ZNF469: variants seen among roughly 807,000 people sequenced by gnomAD.
ZNF469 encodes the protein zinc finger protein 469.
A neutral mutation model predicts 1.0 loss-of-function variants in ZNF469; 1 was observed. The ratio of observed to expected loss-of-function variants is 1.00; its 90% confidence interval spans 0.35 to 4.73. The LOEUF is 4.73. ZNF469 is among the 30% of genes most tolerant of loss of function. ZNF469 has a pLI of 0.16. For synonymous variants in ZNF469, 2,703 were observed against 2,363.4 expected (o/e 1.14, Z -4.17); for missense variants, 6,100 against 5,356.3 (o/e 1.14, Z -4.33).
intron 1 of ZNF469, among the ~76,000 whole-genome samples, chr16:88,413,623 C>T (rs1302549403): frequency 6.6e-6 from 1 of 152,182 alleles, no homozygotes; most frequent in Non-Finnish European, 1.5e-5. Context: ...CTGGGGGCAG[C>T]GTTATAGCAA....
chr16:88,409,910 G>T (rs1214575336), intron 1 of ZNF469, among the ~76,000 whole-genome samples: 1 of 151,604 alleles, frequency 6.6e-6, no homozygotes, highest in African/African-American at 2.4e-5. Context: ...GGCTCTGGGT[G>T]GGGCGGGCCT....
the ZNF469 span, among the ~76,000 whole-genome samples, chr16:88,161,206 C>T: frequency 6.6e-6 from 1 of 151,910 alleles, no homozygotes; most frequent in African/African-American, 2.4e-5. Flanking sequence ...AAAGTCCAAC[C>T]TTAAAGGTAC....
At chr16:88,124,946 C>CA in the ZNF469 span, among the ~76,000 whole-genome samples, 12 of 152,124 alleles carry the variant, frequency 7.9e-5, no homozygotes, top group African/African-American at 2.9e-4. Flanking sequence ...GTGTCCTATC[C>CA]AAAAAAATTT....
chr16:88,277,793 G>A, the ZNF469 span, among the ~76,000 whole-genome samples: 207 of 34,306 alleles, frequency 6.0e-3, 2 homozygotes, highest in Middle Eastern at 0.028. Flanking sequence ...ATCAGTGCAC[G>A]GTTAGTGCTG....
At chr16:88,141,894 T>G in the ZNF469 span, among the ~76,000 whole-genome samples, 1 of 152,200 alleles carries the variant, frequency 6.6e-6, no homozygotes, top group African/African-American at 2.4e-5. Flanking sequence ...CACCTTGATT[T>G]CAGCTCCGTG....
the ZNF469 span, among the ~76,000 whole-genome samples, chr16:88,366,042 C>T: frequency 6.6e-6 from 1 of 152,138 alleles, no homozygotes; most frequent in African/African-American, 2.4e-5. Context: ...TTTACAAGCC[C>T]TGGTATAAAG....
chr16:88,440,333 A>G lies in ZNF469; in HGVS notation c.*1001A>G, dbSNP rs3848234. ...CTGCAAGCCTGAGGTCTGTGCTGCCAGACGGGGATGCTCAGGGCTGGGGCT... is the reference window on the plus strand; with the variant it reads ...CTGCAAGCCTGAGGTCTGTGCTGCCGGACGGGGATGCTCAGGGCTGGGGCT... On this transcript the variant is annotated 3_prime_UTR_variant, in exon 3 of 3. Transcript: ENST00000565624. 0.81 allele frequency: 123,832 copies of G among 152,014 alleles called. 50,654 individuals carry two copies. The highest frequency in any genetic ancestry group is 0.9 in the South Asian group (4,334 of 4,816). The allele number at this position is 152,014 out of a possible 1,614,324, so 9.4% of individuals were successfully genotyped here.
At chr16:88,131,451 TAGA>T in the ZNF469 span, among the ~76,000 whole-genome samples, 4 of 114,238 alleles carry the variant, frequency 3.5e-5, no homozygotes, top group South Asian at 6.7e-4. Context: ...GCCTGTTTGT[TAGA>T]ACCTCTCGGC....
the ZNF469 span, among the ~76,000 whole-genome samples, chr16:88,355,087 G>A: frequency 6.6e-6 from 1 of 152,140 alleles, no homozygotes; most frequent in African/African-American, 2.4e-5. Context: ...CCTGGGGAGG[G>A]TGGGCAGGGG....
chr16:88,133,038 G>C, the ZNF469 span, among the ~76,000 whole-genome samples: 1 of 152,212 alleles, frequency 6.6e-6, no homozygotes, highest in East Asian at 1.9e-4. Flanking sequence ...AGCTCCCATG[G>C]GAGGGTCACC....
the ZNF469 span, among the ~76,000 whole-genome samples, chr16:88,350,434 C>T: frequency 6.6e-6 from 1 of 152,256 alleles, no homozygotes; most frequent in Non-Finnish European, 1.5e-5. Context: ...GGCAGGGAAG[C>T]CCCACCACCA....
At chr16:88,135,753 T>TC in the ZNF469 span, among the ~76,000 whole-genome samples, 3 of 29,656 alleles carry the variant, frequency 1.0e-4, 1 homozygote, top group Non-Finnish European at 2.5e-4. Context: ...GCCATGTTTT[T>TC]TTTTTTTTTT....
chr16:88,435,350 C>T lies in ZNF469; in HGVS notation c.7880C>T (p.Ser2627Leu), dbSNP rs1906494784. 1.9e-6 allele frequency: 3 copies of T among 1,550,242 alleles called. No homozygotes were observed. The highest frequency in any genetic ancestry group is 4.9e-5 in the East Asian group (2 of 40,938). Residue 2627 changes from serine (S) to leucine (L), a missense_variant, in exon 3 of 3, where the codon TCA (serine) becomes TTA (leucine). Ser to Leu is a moderately radical substitution (Grantham distance 145). Coordinates refer to ENST00000565624, the MANE Select transcript of ZNF469 (RefSeq NM_001367624.2). ...REPTVDSPSH[S>L]EGKSNKKRGK... The stretch of plus-strand genomic sequence containing the variant: ...CCCACCGTGGACTCTCCTAGCCACT[C>T]AGAGGGGAAGTCAAATAAGAAAAGG...
intron 1 of ZNF469, among the ~76,000 whole-genome samples, chr16:88,390,060 G>T (rs936555739): frequency 6.6e-6 from 1 of 152,200 alleles, no homozygotes; most frequent in African/African-American, 2.4e-5. Context: ...TTTTTTCCGG[G>T]GTGGCTGTGT....
the ZNF469 span, among the ~76,000 whole-genome samples, chr16:88,274,565 G>A: frequency 6.6e-6 from 1 of 152,246 alleles, no homozygotes; most frequent in Non-Finnish European, 1.5e-5. Flanking sequence ...GTCCGGGCGG[G>A]GCCCCCGGGG....
At chr16:88,358,743 G>A in the ZNF469 span, among the ~76,000 whole-genome samples, 3 of 151,766 alleles carry the variant, frequency 2.0e-5, no homozygotes, top group African/African-American at 4.8e-5. Flanking sequence ...TTTTGAGACC[G>A]AGTCTTGCTA....
the ZNF469 span, among the ~76,000 whole-genome samples, chr16:88,199,468 GC>G: frequency 1.3e-5 from 2 of 152,206 alleles, no homozygotes; most frequent in African/African-American, 2.4e-5. Flanking sequence ...GAATCCACCT[GC>G]CCCCATGGCC....
chr16:88,391,811 C>T (rs1904499671), intron 1 of ZNF469, among the ~76,000 whole-genome samples: 2 of 152,214 alleles, frequency 1.3e-5, no homozygotes, highest in African/African-American at 2.4e-5. Flanking sequence ...TTTTTATGAG[C>T]ATTTTGAACC....
the ZNF469 span, among the ~76,000 whole-genome samples, chr16:88,173,516 A>G: frequency 1.3e-5 from 2 of 152,356 alleles, no homozygotes; most frequent in South Asian, 2.1e-4. Context: ...TTCTTTCAGC[A>G]GAAGAAAAAT....
Sources: allele counts gnomAD v4.1 joint callset (sites outside exome capture counted in the v4.1 genomes callset), GRCh38; gene constraint gnomAD v4.1.1; transcripts MANE v1.5; gene names NCBI Gene and HGNC (gene_info 2026-07-23, HGNC 2026-07-21).